The following MALRD1 variants were observed in gnomAD, a reference collection of about 807,000 sequenced individuals.
MALRD1 encodes the protein MAM and LDL receptor class A domain containing 1, also known as MAM and LDL-receptor class A domain-containing protein 1.
MALRD1 carries 247 observed loss-of-function variants against 242.1 expected under a neutral mutation model. That is an observed-to-expected ratio of 1.02 (90% CI 0.92 to 1.13). The LOEUF (loss-of-function observed/expected upper bound fraction) is 1.13, where lower values mean the gene tolerates loss of function less well. Ranked by LOEUF, MALRD1 falls within the 50% of genes most tolerant of loss-of-function variation. MALRD1 has a pLI of 0.00. For missense variants in MALRD1, 2,989 were observed against 2,533.1 expected, an observed-to-expected ratio of 1.18 and a Z score of -3.86; for synonymous variants, 995 against 866.6, an observed-to-expected ratio of 1.15 and a Z score of -2.60.
chr10:19,541,069 T>C (rs1431687388), intron 32 of MALRD1, among the ~76,000 whole-genome samples: 1 of 152,230 alleles, frequency 6.6e-6, no homozygotes, highest in Admixed American at 6.5e-5. Flanking sequence ...TCTTTTATTA[T>C]TGACATTGTA....
chr10:19,686,958 C>T (rs1428812094), intron 36 of MALRD1, among the ~76,000 whole-genome samples: 1 of 151,768 alleles, frequency 6.6e-6, no homozygotes, highest in Non-Finnish European at 1.5e-5. Flanking sequence ...CAAAATACAT[C>T]AGGTCCTCCT....
At chr10:19,487,305 AT>A (rs1409498100) in intron 29 of MALRD1, among the ~76,000 whole-genome samples, 2 of 152,094 alleles carry the variant, frequency 1.3e-5, no homozygotes, top group Non-Finnish European at 2.9e-5. Context: ...CATTAAAAAA[AT>A]CTATCTTTTC....
At chr10:19,181,672 TTAA>T (rs1338093553) in intron 14 of MALRD1, among the ~76,000 whole-genome samples, 1 of 152,140 alleles carries the variant, frequency 6.6e-6, no homozygotes, top group Non-Finnish European at 1.5e-5. Flanking sequence ...AGGACTACAG[TTAA>T]TAACAGATTT....
At chr10:19,718,982 G>A (rs1235351445) in intron 38 of MALRD1, among the ~76,000 whole-genome samples, 1 of 150,658 alleles carries the variant, frequency 6.6e-6, no homozygotes, top group African/African-American at 2.4e-5. Flanking sequence ...CACAGCAAGA[G>A]CTCATCTCGG....
intron 5 of MALRD1, among the ~76,000 whole-genome samples, chr10:19,122,054 G>T (rs1334086373): frequency 6.6e-6 from 1 of 152,190 alleles, no homozygotes; most frequent in Non-Finnish European, 1.5e-5. Context: ...CACAGATACA[G>T]GCTAGAGTAA....
At chr10:19,120,025 G>A (rs1052031698) in intron 5 of MALRD1, among the ~76,000 whole-genome samples, 2 of 152,154 alleles carry the variant, frequency 1.3e-5, no homozygotes, top group Non-Finnish European at 2.9e-5. Context: ...CTGCTGGAGT[G>A]TAGAGTTGGA....
chr10:19,650,642 A>G (rs1840833302), intron 36 of MALRD1, among the ~76,000 whole-genome samples: 2 of 152,166 alleles, frequency 1.3e-5, no homozygotes, highest in Admixed American at 1.3e-4. Flanking sequence ...TTGTGAATTT[A>G]TTACATTTGT....
rs1833349557 is a variant in MALRD1, at chr10:19,136,638, A to G, written c.1268A>G (p.Tyr423Cys). Residue 423 changes from tyrosine to cysteine, a missense_variant, in exon 10 of 40, where the codon TAT (tyrosine) becomes TGT (cysteine). By Grantham distance (194) the Tyr-to-Cys change is radical. Transcript: ENST00000454679. ...ATTGCCCTTGATCACCTCTGGGTCT[A>G]TGCCTGTGGACAGACCCAATCCAGA... ...SFIALDHLWV[Y>C]ACGQTQSRKL... The G allele has an allele frequency of 3.2e-6, 4 of 1,231,480 alleles. No individual in the cohort carries two copies. The highest frequency in any genetic ancestry group is 4.2e-5 in the Admixed American group (1 of 23,698). The allele number at this position is 1,231,480 out of a possible 1,614,324, so 76.3% of individuals were successfully genotyped here. A position where few individuals can be genotyped will look rare whatever the true frequency, so the allele number is the denominator to read the frequency against.
intron 10 of MALRD1, 57 bp downstream of exon 10, chr10:19,136,838 A>G: frequency 8.9e-7 from 1 of 1,129,704 alleles, no homozygotes. Context: ...TGTTAGTTGG[A>G]TTTAAAACAG....
chr10:19,255,891 C>G (rs1448681535), intron 18 of MALRD1, among the ~76,000 whole-genome samples: 1 of 152,002 alleles, frequency 6.6e-6, no homozygotes, highest in Middle Eastern at 3.2e-3. Flanking sequence ...ATGGCCCTCT[C>G]TGGGTTACAG....
intron 38 of MALRD1, among the ~76,000 whole-genome samples, chr10:19,727,960 A>G (rs1470082739): frequency 6.6e-6 from 1 of 152,214 alleles, no homozygotes; most frequent in Non-Finnish European, 1.5e-5. Flanking sequence ...TTGAACTTGA[A>G]ATACTAAATG....
In MALRD1 at chr10:19,634,182, G is replaced by A. The variant is rs574248350; in HGVS notation, c.6137+18259G>A. ...AAATACCTGCCAGGCCCAGAGAACC[G>A]GAAGCACACTGAAATCAAAAAGTTA... On this transcript the variant is annotated intron_variant, in intron 36 of 39. Transcript: ENST00000454679. Among the ~76,000 whole-genome samples, 10 of 152,052 alleles carry A rather than the reference G, an allele frequency of 6.6e-5. No individual in the cohort carries two copies. The East Asian group carries it at 9.7e-4, about 15-fold the overall frequency.
intron 29 of MALRD1, among the ~76,000 whole-genome samples, chr10:19,462,513 G>T (rs1473546647): frequency 6.6e-6 from 1 of 152,206 alleles, no homozygotes; most frequent in Non-Finnish European, 1.5e-5. Flanking sequence ...CAGGTTCTGT[G>T]AGTATAAAAA....
chr10:19,495,021 G>C (rs1048940401), intron 30 of MALRD1, among the ~76,000 whole-genome samples: 5 of 150,500 alleles, frequency 3.3e-5, no homozygotes, highest in African/African-American at 1.2e-4. Context: ...TTGTCACCCA[G>C]GTTGGAGTGA....
At chr10:19,524,105 A>G (rs971188921) in intron 31 of MALRD1, among the ~76,000 whole-genome samples, 2 of 152,288 alleles carry the variant, frequency 1.3e-5, no homozygotes, top group East Asian at 1.9e-4. Flanking sequence ...GAAACACTGC[A>G]TCTGTGTTTT....
rs190569297 is a variant in MALRD1 at position 19,080,071 on chromosome 10, G to A, written c.341-7769G>A. ...GAATATAGTTAACAAGGGAAATGAA[G>A]GACCTCTTCAAGGAGAGCTACAAAC... On this transcript the variant is annotated intron_variant, in intron 2 of 39. Transcript: ENST00000454679. Among the ~76,000 whole-genome samples, 22 of 151,986 alleles carry A rather than the reference G, an allele frequency of 1.4e-4. No homozygotes were observed. The South Asian group carries it at 2.1e-3, about 14-fold the overall frequency.
rs781495072 is a variant in MALRD1 at position 19,347,343 on chromosome 10, T to TA, written c.3902-421dup. ...TTTTCTCTAAAATAAAGAACTGTTC[T>TA]AAAAAAATAACTACTATGATAAATG... On this transcript the variant is annotated intron_variant, in intron 24 of 39. Coordinates refer to ENST00000454679, the MANE Select transcript of MALRD1 (RefSeq NM_001142308.3). Among the ~76,000 whole-genome samples the TA allele has an allele frequency of 9.2e-5, 14 of 152,260 alleles. No homozygotes were observed. In the East Asian group the frequency reaches 1.7e-3, roughly 19 times the overall value.
intron 28 of MALRD1, among the ~76,000 whole-genome samples, chr10:19,432,464 G>T (rs1564334718): frequency 6.6e-6 from 1 of 152,170 alleles, no homozygotes; most frequent in Non-Finnish European, 1.5e-5. Context: ...CTTTTAGCCA[G>T]TGGTTACAGT....
At chr10:19,592,184 T>C (rs1837824364) in intron 33 of MALRD1, among the ~76,000 whole-genome samples, 1 of 152,180 alleles carries the variant, frequency 6.6e-6, no homozygotes, top group Admixed American at 6.5e-5. Flanking sequence ...TAAGGCAGAC[T>C]CCAAATCAGA....
Sources: allele counts gnomAD v4.1 joint callset (sites outside exome capture counted in the v4.1 genomes callset), GRCh38; gene constraint gnomAD v4.1.1; transcripts MANE v1.5; gene names NCBI Gene and HGNC (gene_info 2026-07-23, HGNC 2026-07-21).